The following EDIL3 variants were observed in gnomAD, a reference collection of about 807,000 sequenced individuals.
EDIL3 encodes EGF like and discoidin domains 3.
EDIL3 carries 37 observed loss-of-function variants against 67.4 expected under a neutral mutation model. The ratio of observed to expected loss-of-function variants is 0.55; its 90% confidence interval spans 0.42 to 0.72. The LOEUF is 0.72. Ranked by LOEUF, EDIL3 falls within the 30% of genes least tolerant of loss-of-function variation. The pLI, the probability that EDIL3 is intolerant of heterozygous loss-of-function variation, is 0.00. For synonymous variants in EDIL3, 195 were observed against 196.3 expected (o/e 0.99, Z 0.05); for missense variants, 527 against 586.3 (o/e 0.90, Z 1.04).
At chr5:84,377,832 T>C (rs903810044) in intron 1 of EDIL3, among the ~76,000 whole-genome samples, 1 of 152,196 alleles carries the variant, frequency 6.6e-6, no homozygotes, top group Non-Finnish European at 1.5e-5. Context: ...TCTTTCTCCA[T>C]AGTAACAACC....
chr5:83,990,996 T>C (rs575687354), intron 9 of EDIL3, among the ~76,000 whole-genome samples: 1 of 152,262 alleles, frequency 6.6e-6, no homozygotes, highest in African/African-American at 2.4e-5. Flanking sequence ...TTTTGCATTA[T>C]TTACAAAATG....
chr5:84,217,677 T>G (rs974085096), intron 3 of EDIL3, among the ~76,000 whole-genome samples: 12 of 146,970 alleles, frequency 8.2e-5, no homozygotes, highest in Non-Finnish European at 1.3e-4. Flanking sequence ...ATAAGCCAAT[T>G]CCTCAAAATA....
chr5:84,191,735 A>AT (rs779010318), intron 3 of EDIL3, among the ~76,000 whole-genome samples: 1 of 152,080 alleles, frequency 6.6e-6, no homozygotes, highest in Non-Finnish European at 1.5e-5. Context: ...TTTAAAAAAA[A>AT]GGAACAGCAA....
At chr5:84,293,780 T>G (rs905863395) in intron 1 of EDIL3, among the ~76,000 whole-genome samples, 5 of 139,430 alleles carry the variant, frequency 3.6e-5, no homozygotes, top group Admixed American at 7.2e-5. Context: ...ATTAAGACTG[T>G]TTTTTTTTTT....
intron 9 of EDIL3, among the ~76,000 whole-genome samples, chr5:84,051,833 T>C (rs996451779): frequency 6.2e-4 from 94 of 152,286 alleles, no homozygotes; most frequent in African/African-American, 2.1e-3. Flanking sequence ...CTACGTCTGA[T>C]TGGTGTACCT....
Position 84,373,011 on chromosome 5 carries a change from A to G in EDIL3, c.67+11297T>C, listed in dbSNP as rs140745163. Reference sequence around the variant, plus strand: ...TCTTAACTGGATACTGTTTTTCCTCATATAACTTCTGGGTCTGAACATGTG... The same window carrying G: ...TCTTAACTGGATACTGTTTTTCCTCGTATAACTTCTGGGTCTGAACATGTG... On this transcript the variant is annotated intron_variant, in intron 1 of 10. Transcript: ENST00000296591. 3.7e-3 allele frequency among the ~76,000 whole-genome samples: 566 copies of G among 152,114 alleles called. 1 individual carries two copies. Among genetic ancestry groups the G allele is most frequent in the Non-Finnish European group, 6.1e-3 (416 of 68,002 alleles).
At chr5:84,132,148 T>C (rs1280104562) in intron 5 of EDIL3, among the ~76,000 whole-genome samples, 2 of 149,276 alleles carry the variant, frequency 1.3e-5, no homozygotes, top group Non-Finnish European at 3.0e-5. Context: ...GGCAGGAGAA[T>C]TGCTTGAACC....
Position 84,248,111 on chromosome 5 carries a change from CAAAT to C in EDIL3, c.196+5969_196+5972del, listed in dbSNP as rs372146291. On this transcript the variant is annotated intron_variant, in intron 2 of 10. Transcript: ENST00000296591. ...AATATTTGATAGATGAATGAGTAAGCAAATAAATAAATAGACAAATGTTTGTTTT... is the reference window on the plus strand; with the variant it reads ...AATATTTGATAGATGAATGAGTAAGCAAATAAATAGACAAATGTTTGTTTT... Among the ~76,000 whole-genome samples the C allele has an allele frequency of 4.1e-4, 62 of 152,216 alleles. No individual in the cohort carries two copies. The East Asian group carries it at 5.0e-3, about 12-fold the overall frequency.
intron 5 of EDIL3, among the ~76,000 whole-genome samples, chr5:84,120,191 T>C (rs1373497612): frequency 6.6e-6 from 1 of 152,046 alleles, no homozygotes; most frequent in East Asian, 1.9e-4. Flanking sequence ...AAGCACATGA[T>C]AAAAAATTTC....
chr5:83,995,882 T>C (rs1745230305), intron 9 of EDIL3, among the ~76,000 whole-genome samples: 1 of 152,220 alleles, frequency 6.6e-6, no homozygotes, highest in African/African-American at 2.4e-5. Flanking sequence ...ATATTTTTTA[T>C]CTATAATGAG....
At chr5:84,141,952 G>GATAGATCTATCTATCT (rs1748204914) in intron 4 of EDIL3, among the ~76,000 whole-genome samples, 1 of 108,368 alleles carries the variant, frequency 9.2e-6, no homozygotes, top group Non-Finnish European at 1.8e-5. Flanking sequence ...TATATACATA[G>GATAGATCTATCTATCT]ATCTATCTAT....
intron 5 of EDIL3, among the ~76,000 whole-genome samples, chr5:84,127,413 C>A (rs887428840): frequency 6.6e-6 from 1 of 152,010 alleles, no homozygotes; most frequent in African/African-American, 2.4e-5. Context: ...TATGAAATTT[C>A]TTTTTAGGAC....
intron 6 of EDIL3, among the ~76,000 whole-genome samples, chr5:84,092,630 A>C (rs1303436502): frequency 6.6e-6 from 1 of 152,184 alleles, no homozygotes; most frequent in Non-Finnish European, 1.5e-5. Context: ...TAAATATACT[A>C]GTATTTTAGA....
intron 2 of EDIL3, among the ~76,000 whole-genome samples, chr5:84,232,080 C>T (rs1744591328): frequency 6.6e-6 from 1 of 152,174 alleles, no homozygotes; most frequent in Non-Finnish European, 1.5e-5. Flanking sequence ...ACTTCTTCTG[C>T]TGTGCCTTAT....
intron 9 of EDIL3, among the ~76,000 whole-genome samples, chr5:83,982,042 T>C (rs1489131678): frequency 6.6e-6 from 1 of 152,118 alleles, no homozygotes; most frequent in Admixed American, 6.6e-5. Context: ...AGAAACTATA[T>C]ATAATTAAGT....
At chr5:84,241,118 A>C (rs906334721) in intron 2 of EDIL3, among the ~76,000 whole-genome samples, 1 of 152,170 alleles carries the variant, frequency 6.6e-6, no homozygotes, top group Non-Finnish European at 1.5e-5. Context: ...CTCTTATGAT[A>C]ATTATTTTCT....
intron 2 of EDIL3, among the ~76,000 whole-genome samples, chr5:84,248,919 A>T (rs189669765): frequency 2.1e-3 from 317 of 152,158 alleles, no homozygotes; most frequent in Non-Finnish European, 3.3e-3. Context: ...TTGCCTTCAA[A>T]TTGTCCCCCT....
At chr5:84,053,226 T>C (rs1416200444) in intron 9 of EDIL3, among the ~76,000 whole-genome samples, 3 of 152,078 alleles carry the variant, frequency 2.0e-5, no homozygotes, top group Non-Finnish European at 2.9e-5. Context: ...CATAACGAAA[T>C]GAAGGCAGAA....
intron 3 of EDIL3, among the ~76,000 whole-genome samples, chr5:84,204,652 C>A (rs1411615434): frequency 1.3e-5 from 2 of 151,974 alleles, no homozygotes; most frequent in Admixed American, 1.3e-4. Flanking sequence ...CTCAGAAATT[C>A]AGCAGGCTCC....
Sources: gnomAD v4.1 joint callset for allele counts (sites outside exome capture counted in the v4.1 genomes callset) on GRCh38, gnomAD v4.1.1 for gene constraint, MANE v1.5 for transcripts, NCBI Gene and HGNC (gene_info 2026-07-23, HGNC 2026-07-21) for gene names.